PCDHGB5: variants seen among roughly 807,000 people sequenced by gnomAD.
The protein encoded by PCDHGB5 is protocadherin gamma subfamily B, 5, also known as protocadherin gamma-B5.
Under a neutral mutation model 62.9 loss-of-function variants are expected in PCDHGB5, and 48 were observed. The ratio of observed to expected loss-of-function variants is 0.76; its 90% confidence interval spans 0.61 to 0.97. The LOEUF (loss-of-function observed/expected upper bound fraction) is 0.97, where lower values mean the gene tolerates loss of function less well. Among genes scored for constraint, PCDHGB5 ranks in the 50% least tolerant of loss-of-function variants. PCDHGB5 has a pLI of 0.00. For synonymous variants in PCDHGB5, 474 were observed against 511.2 expected (o/e 0.93, Z 0.98); for missense variants, 1,118 against 1,198.6 (o/e 0.93, Z 0.99).
chr5:141,495,977 T>C (rs2099765025), intron 2 of PCDHGB5, among the ~76,000 whole-genome samples: 1 of 152,174 alleles, frequency 6.6e-6, no homozygotes, highest in Admixed American at 6.5e-5. Flanking sequence ...TCTGTTACTC[T>C]TTCTTTATCT....
chr5:141,446,087 A>G (rs2154561251), intron 1 of PCDHGB5, among the ~76,000 whole-genome samples: 1 of 152,370 alleles, frequency 6.6e-6, no homozygotes, highest in Non-Finnish European at 1.5e-5. Flanking sequence ...GTAGAAATAA[A>G]TGGATGAATT....
At position 141,448,827 on chromosome 5, in the gene PCDHGB5, C is replaced by T. The variant is rs540550537; in HGVS notation, c.2398-45980C>T. ...AGGCGTGATGGCGGGCGCCTGTAGT[C>T]CCAGCTACTCTGGAGGCTGAGGCAG... On this transcript the variant is annotated intron_variant, in intron 1 of 3. Transcript: ENST00000617380. Among the ~76,000 whole-genome samples the T allele has an allele frequency of 1.6e-4, 25 of 152,108 alleles. No homozygotes were observed. In the South Asian group the frequency reaches 4.2e-3, roughly 25 times the overall value.
At chr5:141,436,324 G>A (rs972756085) in intron 1 of PCDHGB5, among the ~76,000 whole-genome samples, 10 of 152,134 alleles carry the variant, frequency 6.6e-5, no homozygotes, top group African/African-American at 2.4e-4. Flanking sequence ...AAGACTGTTA[G>A]ACCATATCTC....
chr5:141,413,014 A>T, intron 1 of PCDHGB5: 1 of 663,842 alleles, frequency 1.5e-6, no homozygotes, highest in Non-Finnish European at 2.4e-6. Context: ...CTTCAACTAC[A>T]CAAGCCCCAC....
chr5:141,456,047 A>G (rs1321504293), intron 1 of PCDHGB5, among the ~76,000 whole-genome samples: 3 of 151,774 alleles, frequency 2.0e-5, no homozygotes, highest in Non-Finnish European at 4.4e-5. Context: ...ACAGGCGCCC[A>G]CCACCACGTC....
rs1312195504 is a variant in PCDHGB5 at position 141,429,392 on chromosome 5, A to ATTTTT, written c.2397+28868_2397+28869insTTTTT. On this transcript the variant is annotated intron_variant, in intron 1 of 3. Transcript: ENST00000617380. Reference sequence around the variant, plus strand: ...GAGAAAATGTGTTTTTTTTTTAAAAAAAATTGAGATTAAGGTCTCATTATG... The same window carrying ATTTTT: ...GAGAAAATGTGTTTTTTTTTTAAAAATTTTTAAATTGAGATTAAGGTCTCATTATG... Among the ~76,000 whole-genome samples, 131 of 152,104 alleles carry ATTTTT rather than the reference A, an allele frequency of 8.6e-4. 1 individual carries two copies. Among genetic ancestry groups the ATTTTT allele is most frequent in the Non-Finnish European group, 1.5e-3 (100 of 67,974 alleles).
intron 1 of PCDHGB5, chr5:141,441,802 T>C (rs2098274220): frequency 2.6e-6 from 1 of 382,538 alleles, no homozygotes; most frequent in South Asian, 2.1e-5. Flanking sequence ...GCACCGCGGG[T>C]GCTGTACCCC....
chr5:141,403,753 C>T lies in PCDHGB5; in HGVS notation c.2397+3229C>T, dbSNP rs767515334. 1.5e-5 allele frequency: 25 copies of T among 1,613,504 alleles called. No homozygotes were observed. In the South Asian group the frequency reaches 2.6e-4, roughly 17 times the overall value. On this transcript the variant is annotated intron_variant, in intron 1 of 3. Transcript: ENST00000617380. ...CCTGGCTGCTTACTGCAACAGCCAG[C>T]GACCTGGATGAGGGAATCAACGGAA...
chr5:141,432,700 G>A lies in PCDHGB5; in HGVS notation c.2397+32176G>A. On this transcript the variant is annotated intron_variant, in intron 1 of 3. Transcript: ENST00000617380. The surrounding 1 kb of genome is among the most constrained non-coding windows in gnomAD (Gnocchi z 6.0). ...AGCAGAGCCTCGTAGTGGCCGTCCAGGACCACGGCCAGCCCCCTCTCTCCG... is the reference window on the plus strand; with the variant it reads ...AGCAGAGCCTCGTAGTGGCCGTCCAAGACCACGGCCAGCCCCCTCTCTCCG... The A allele has an allele frequency of 6.2e-7, 1 of 1,613,980 alleles. No individual in the cohort carries two copies. The highest frequency in any genetic ancestry group is 8.5e-7 in the Non-Finnish European group (1 of 1,179,978).
chr5:141,484,930 G>A (rs992641330), intron 1 of PCDHGB5: 2 of 501,452 alleles, frequency 4.0e-6, no homozygotes, highest in South Asian at 2.6e-5. Flanking sequence ...CTGCTGTTGG[G>A]ACGTTCTCTG....
rs1562137380 is a variant in PCDHGB5, at chr5:141,490,297, G to T, written c.2398-4510G>T. On this transcript the variant is annotated intron_variant, in intron 1 of 3. Coordinates refer to ENST00000617380, the MANE Select transcript of PCDHGB5 (RefSeq NM_018925.3). This position sits in a 1 kb window ranked among gnomAD's most constrained non-coding sequence, Gnocchi z 5.4. The stretch of plus-strand genomic sequence containing the variant: ...TGACAATGCCCCAGAGGTGCTATTG[G>T]CCTCTTTGGCCAACCCTGTCCTAGA... 2 of 1,614,202 alleles carry T rather than the reference G, an allele frequency of 1.2e-6. No individual in the cohort carries two copies. Among genetic ancestry groups the T allele is most frequent in the South Asian group, 1.1e-5 (1 of 91,086 alleles).
intron 1 of PCDHGB5, chr5:141,415,762 T>TGTTTG: frequency 7.1e-7 from 1 of 1,399,990 alleles, no homozygotes; most frequent in Non-Finnish European, 9.3e-7. Flanking sequence ...TTTTTTTTTT[T>TGTTTG]TTTTTTTTTT....
chr5:141,466,573 C>T (rs2099125317), intron 1 of PCDHGB5, among the ~76,000 whole-genome samples: 1 of 152,104 alleles, frequency 6.6e-6, no homozygotes, highest in South Asian at 2.1e-4. Context: ...TCAACATTGT[C>T]TCATCCCTTC....
Position 141,399,574 on chromosome 5 carries a change from G to C in PCDHGB5, c.1447G>C (p.Val483Leu), listed in dbSNP as rs1191176960. Residue 483 changes from valine to leucine, a missense_variant, in exon 1 of 4, where the codon GTC becomes CTC. Transcript: ENST00000617380. ...CCTGGACTTGGGGTTGAACGGCCAA[G>C]TCTCCTACTCTATCATGGCCAGCGA... is the stretch of plus-strand genomic sequence containing the variant. ...SDLDLGLNGQ[V>L]SYSIMASDLE... is the part of the protein sequence containing the mutation. The C allele has an allele frequency of 6.2e-7, 1 of 1,614,046 alleles. No individual in the cohort carries two copies. The highest frequency in any genetic ancestry group is 1.6e-4 in the Middle Eastern group (1 of 6,062).
chr5:141,427,150 T>C (rs570999921), intron 1 of PCDHGB5: 6 of 456,866 alleles, frequency 1.3e-5, no homozygotes, highest in African/African-American at 4.0e-5. Flanking sequence ...ATTGGAAATA[T>C]GTTTGTGCTA....
intron 1 of PCDHGB5, among the ~76,000 whole-genome samples, chr5:141,466,637 A>G (rs944728391): frequency 1.1e-4 from 16 of 152,234 alleles, no homozygotes; most frequent in Admixed American, 8.5e-4. Flanking sequence ...CATTGTCTCC[A>G]TAAACTTTTC....
chr5:141,434,894 C>T (rs1316284716), intron 1 of PCDHGB5, among the ~76,000 whole-genome samples: 1 of 143,118 alleles, frequency 7.0e-6, no homozygotes, highest in East Asian at 2.1e-4. Flanking sequence ...AATCCAGTCC[C>T]CTTCCCTCAT....
chr5:141,428,857 A>C (rs2097165548), intron 1 of PCDHGB5: 1 of 140,386 alleles, frequency 7.1e-6, no homozygotes, highest in Non-Finnish European at 1.5e-5. Context: ...TTTTTACGGG[A>C]GACTTTTTTT....
At chr5:141,495,841 G>A (rs1187067340) in intron 2 of PCDHGB5, among the ~76,000 whole-genome samples, 1 of 151,864 alleles carries the variant, frequency 6.6e-6, no homozygotes, top group Non-Finnish European at 1.5e-5. Context: ...CAGCCTCTAT[G>A]TTTCTCTGTC....
Sources: allele counts gnomAD v4.1 joint callset (sites outside exome capture counted in the v4.1 genomes callset), GRCh38; gene constraint gnomAD v4.1.1; non-coding constraint Gnocchi (gnomAD v3.1); transcripts MANE v1.5; gene names NCBI Gene and HGNC (gene_info 2026-07-23, HGNC 2026-07-21).